The following ANKFN1 variants were observed in gnomAD, a reference collection of about 807,000 sequenced individuals.
ANKFN1 encodes ankyrin repeat and fibronectin type-III domain-containing protein 1.
A neutral mutation model predicts 108.7 loss-of-function variants in ANKFN1; 74 were observed. That is an observed-to-expected ratio of 0.68 (90% CI 0.56 to 0.83). The LOEUF (loss-of-function observed/expected upper bound fraction) is 0.83. Ranked by LOEUF, ANKFN1 falls within the 40% of genes least tolerant of loss-of-function variation. ANKFN1 has a pLI of 0.00. For missense variants in ANKFN1, 1,505 were observed against 1,382.3 expected (o/e 1.09, Z -1.41); for synonymous variants, 547 against 516.2 (o/e 1.06, Z -0.81).
chr17:56,180,637 C>T (rs552593364), intron 1 of ANKFN1, among the ~76,000 whole-genome samples: 1 of 152,284 alleles, frequency 6.6e-6, no homozygotes, highest in African/African-American at 2.4e-5. Context: ...AACTCTCCTA[C>T]AGGCAACATA....
chr17:56,510,465 C>G lies in ANKFN1; in HGVS notation c.2645-8C>G. 1 of 1,533,578 alleles carries G rather than the reference C, an allele frequency of 6.5e-7. No homozygotes were observed. Among genetic ancestry groups the G allele is most frequent in the Non-Finnish European group, 8.7e-7 (1 of 1,146,014 alleles). The allele number at this position is 1,533,578 out of a possible 1,614,324, so 95.0% of individuals were successfully genotyped here. ...TATTTTTCCTAACCTCAGTTTCTGG[C>G]TTCGCAGATTCACAGCCCTGCTCTG... On this transcript the variant is annotated splice_region_variant and splice_polypyrimidine_tract_variant and intron_variant, in intron 20 of 20. Transcript: ENST00000682825.
intron 3 of ANKFN1, among the ~76,000 whole-genome samples, chr17:56,319,916 CTTA>C (rs1256911915): frequency 6.6e-6 from 1 of 151,914 alleles, no homozygotes; most frequent in Non-Finnish European, 1.5e-5. Context: ...TATTATATTT[CTTA>C]TTATATTATT....
chr17:56,300,611 A>G (rs982274852), intron 3 of ANKFN1, among the ~76,000 whole-genome samples: 3 of 150,772 alleles, frequency 2.0e-5, no homozygotes, highest in Non-Finnish European at 2.9e-5. Context: ...TTTTTTAAAG[A>G]AAACGAATTG....
chr17:56,058,562 C>A (rs1184898765), intron 4 of ANKFN1, among the ~76,000 whole-genome samples: 1 of 152,020 alleles, frequency 6.6e-6, no homozygotes, highest in Non-Finnish European at 1.5e-5. Context: ...TGCCTATTGA[C>A]CCATCCTCTA....
At chr17:56,331,727 T>C (rs2144568015) in intron 4 of ANKFN1, among the ~76,000 whole-genome samples, 1 of 152,286 alleles carries the variant, frequency 6.6e-6, no homozygotes, top group African/African-American at 2.4e-5. Context: ...GAGAATATGG[T>C]CAAAGCAGCT....
intron 1 of ANKFN1, among the ~76,000 whole-genome samples, chr17:56,176,444 T>C (rs1211455481): frequency 6.6e-6 from 1 of 152,200 alleles, no homozygotes; most frequent in African/African-American, 2.4e-5. Flanking sequence ...GGATATGCAC[T>C]TGGGAATGCA....
chr17:56,411,468 T>A (rs542344133), intron 8 of ANKFN1, among the ~76,000 whole-genome samples: 3 of 152,320 alleles, frequency 2.0e-5, no homozygotes, highest in Admixed American at 1.3e-4. Flanking sequence ...CCTGTATGAA[T>A]GTCTTTTTAT....
At chr17:56,381,033 C>G (rs185249252) in intron 8 of ANKFN1, among the ~76,000 whole-genome samples, 1 of 152,188 alleles carries the variant, frequency 6.6e-6, no homozygotes, top group Admixed American at 6.5e-5. Context: ...CTGGGAGGCA[C>G]CCCCCAGTAG....
chr17:56,259,651 G>C (rs571420348), intron 3 of ANKFN1, among the ~76,000 whole-genome samples: 11 of 152,164 alleles, frequency 7.2e-5, no homozygotes, highest in African/African-American at 2.2e-4. Flanking sequence ...CTGGCATCTC[G>C]CATCACAGAG....
rs1318117188 is a variant in ANKFN1, at chr17:56,326,257, G to A, written c.90G>A (p.Leu30=). The part of the protein sequence containing the change: ...GRRFACFAQR[L]SHRRKQSQCD... ...GATTCGCTTGCTTTGCACAGAGGCT[G>A]AGCCACAGGAGAAAGCAAAGCCAAT... Residue 30 remains leucine (L), a synonymous_variant, in exon 4 of 21, where the codon CTG becomes CTA. Coordinates refer to ENST00000682825, the MANE Select transcript of ANKFN1 (RefSeq NM_001370326.1). The A allele has an allele frequency of 1.2e-6, 2 of 1,613,846 alleles. No individual in the cohort carries two copies. Among genetic ancestry groups the A allele is most frequent in the Middle Eastern group, 3.3e-4 (2 of 6,060 alleles).
intron 3 of ANKFN1, among the ~76,000 whole-genome samples, chr17:56,291,153 T>C (rs754333522): frequency 6.6e-6 from 1 of 152,208 alleles, no homozygotes; most frequent in African/African-American, 2.4e-5. Flanking sequence ...CAGTAATTTC[T>C]GAGGGGGCAA....
chr17:56,211,251 C>A (rs1296930186), intron 1 of ANKFN1, among the ~76,000 whole-genome samples: 2 of 152,136 alleles, frequency 1.3e-5, no homozygotes, highest in Non-Finnish European at 2.9e-5. Flanking sequence ...AGATTTTAGT[C>A]TTTAATCCAT....
At chr17:56,402,000 G>A in intron 8 of ANKFN1, among the ~76,000 whole-genome samples, 1 of 151,998 alleles carries the variant, frequency 6.6e-6, no homozygotes, top group Non-Finnish European at 1.5e-5. Flanking sequence ...CACATTTATT[G>A]ACCTGCATAT....
In ANKFN1 at chr17:56,061,364, C is replaced by A. The variant is rs563629269; in HGVS notation, c.288+15039C>A. On this transcript the variant is annotated intron_variant, in intron 4 of 12. Transcript: ENST00000635860. Reference sequence around the variant, plus strand: ...TTGGCTCACTGCAACTTCTGCCTCCCAGGTTCAAATGATTCTCCTGCCTCA... The same window carrying A: ...TTGGCTCACTGCAACTTCTGCCTCCAAGGTTCAAATGATTCTCCTGCCTCA... Among the ~76,000 whole-genome samples, 54 of 148,948 alleles carry A rather than the reference C, an allele frequency of 3.6e-4. 1 individual carries two copies. The highest frequency in any genetic ancestry group is 1.2e-3 in the African/African-American group (48 of 39,888).
At chr17:56,252,179 G>A (rs1208852334) in intron 3 of ANKFN1, 1 of 152,162 alleles carries the variant, frequency 6.6e-6, no homozygotes, top group African/African-American at 2.4e-5. Flanking sequence ...TGTGACTACT[G>A]AAAGTAACTT....
chr17:56,356,729 C>A (rs73991475), intron 6 of ANKFN1, among the ~76,000 whole-genome samples: 3,478 of 152,172 alleles, frequency 0.023, 123 homozygotes, highest in African/African-American at 0.079. Flanking sequence ...TATTCTGCAA[C>A]AACGTCTGTC....
chr17:56,154,155 A>G (rs904041154), intron 1 of ANKFN1, among the ~76,000 whole-genome samples: 1 of 152,096 alleles, frequency 6.6e-6, no homozygotes, highest in African/African-American at 2.4e-5. Flanking sequence ...ACTGACCCAG[A>G]TTGGTCCAGA....
chr17:56,265,457 G>A (rs1039486846), intron 3 of ANKFN1, among the ~76,000 whole-genome samples: 3 of 152,164 alleles, frequency 2.0e-5, no homozygotes, highest in African/African-American at 7.2e-5. Context: ...TCCCTCCCTT[G>A]ACATGTGGGG....
intron 6 of ANKFN1, among the ~76,000 whole-genome samples, chr17:56,372,057 A>G (rs2046824896): frequency 6.6e-6 from 1 of 152,238 alleles, no homozygotes; most frequent in African/African-American, 2.4e-5. Context: ...CTGTGGCAGC[A>G]GTAGCGGAAC....
Sources: gnomAD v4.1 joint callset for allele counts (sites outside exome capture counted in the v4.1 genomes callset) on GRCh38, gnomAD v4.1.1 for gene constraint, MANE v1.5 for transcripts, NCBI Gene and HGNC (gene_info 2026-07-23, HGNC 2026-07-21) for gene names.